The following USP10 variants were observed in gnomAD, a reference collection of about 807,000 sequenced individuals.
USP10 encodes the protein ubiquitin carboxyl-terminal hydrolase 10.
USP10 carries 22 observed loss-of-function variants against 84.5 expected under a neutral mutation model. That is an observed-to-expected ratio of 0.26 (90% CI 0.19 to 0.37). USP10 has a LOEUF of 0.37. Ranked by LOEUF, USP10 falls within the 10% of genes least tolerant of loss-of-function variation. The pLI is 1.00. For synonymous variants in USP10, 454 were observed against 387.6 expected, an observed-to-expected ratio of 1.17 and a Z score of -2.01; for missense variants, 1,019 against 998.9, an observed-to-expected ratio of 1.02 and a Z score of -0.27.
At chr16:84,767,410 G>C (rs889279125) in intron 10 of USP10, among the ~76,000 whole-genome samples, 29 of 152,152 alleles carry the variant, frequency 1.9e-4, no homozygotes, top group African/African-American at 7.0e-4. Flanking sequence ...AAGGGTGGCA[G>C]CCTTTTTTCC....
At chr16:84,706,451 A>T (rs1905517309) in intron 1 of USP10, among the ~76,000 whole-genome samples, 1 of 150,194 alleles carries the variant, frequency 6.7e-6, no homozygotes, top group Non-Finnish European at 1.5e-5. Flanking sequence ...AATTTCCCTT[A>T]CGTGGCTGCA....
At position 84,745,676 on chromosome 16, in the gene USP10, A is replaced by ATAGT. The variant is rs747108118; in HGVS notation, c.1192+5_1192+8dup. 2.9e-5 allele frequency: 47 copies of ATAGT among 1,603,818 alleles called. No individual in the cohort carries two copies. The highest frequency in any genetic ancestry group is 3.9e-5 in the Non-Finnish European group (46 of 1,174,776). ...TCCTGTAGCCATAAAGATTGCAGGT[A>ATAGT]TAGTTGAAAAGATACAAATCTAGAG... On this transcript the variant is annotated splice_donor_region_variant and intron_variant, in intron 4 of 13. Coordinates refer to ENST00000219473, the MANE Select transcript of USP10 (RefSeq NM_005153.3).
chr16:84,713,025 G>A (rs1249352285), intron 1 of USP10, among the ~76,000 whole-genome samples: 2 of 152,174 alleles, frequency 1.3e-5, no homozygotes, highest in Admixed American at 1.3e-4. Context: ...AAATGCAGCT[G>A]TCCCCCAAAT....
At chr16:84,701,005 C>T (rs1904797530) in intron 1 of USP10, among the ~76,000 whole-genome samples, 2 of 152,070 alleles carry the variant, frequency 1.3e-5, no homozygotes, top group South Asian at 2.1e-4. Flanking sequence ...TTGTTGACAT[C>T]TGGTCCCTAT....
chr16:84,736,359 G>A (rs899773907), intron 2 of USP10, among the ~76,000 whole-genome samples: 1 of 152,240 alleles, frequency 6.6e-6, no homozygotes, highest in African/African-American at 2.4e-5. Context: ...CTGCAGAAGC[G>A]CCTCCTGCCA....
intron 2 of USP10, 99 bp downstream of exon 2, chr16:84,733,602 G>A (rs965271740): frequency 5.9e-5 from 53 of 898,440 alleles, no homozygotes; most frequent in Non-Finnish European, 8.3e-5. Flanking sequence ...TTCCAATGTA[G>A]AGAAAAGTAT....
At chr16:84,763,122 A>G in intron 9 of USP10, 34 bp downstream of exon 9, 1 of 1,457,720 alleles carries the variant, frequency 6.9e-7, no homozygotes, top group South Asian at 1.2e-5. Flanking sequence ...AGAGTTGTGC[A>G]AGAGTTCGCT....
intron 8 of USP10, among the ~76,000 whole-genome samples, chr16:84,761,899 C>T (rs927927619): frequency 2.0e-5 from 3 of 152,264 alleles, no homozygotes; most frequent in African/African-American, 7.2e-5. Flanking sequence ...TTTGGCTGTG[C>T]CAGTTTTTGC....
chr16:84,702,819 C>T (rs551489288), intron 1 of USP10, among the ~76,000 whole-genome samples: 19 of 151,216 alleles, frequency 1.3e-4, no homozygotes, highest in Non-Finnish European at 2.8e-4. Flanking sequence ...ATAGTGAGAC[C>T]CTGTCTCTAC....
intron 1 of USP10, chr16:84,704,914 G>C (rs73243905): frequency 0.048 from 74,289 of 1,535,248 alleles, 3,471 homozygotes; most frequent in African/African-American, 0.18. Context: ...TGAATTCCTC[G>C]ACTTTCCCTT....
chr16:84,757,880 G>C (rs1459357711), intron 4 of USP10, among the ~76,000 whole-genome samples: 1 of 152,164 alleles, frequency 6.6e-6, no homozygotes, highest in African/African-American at 2.4e-5. Context: ...TAAGGATTAA[G>C]TCCAGCCAAT....
chr16:84,759,948 T>C lies in USP10; in HGVS notation c.1450+2T>C. ...CAGTACCTCCAAAACCCCGACAAGGTTAGTAAAAATGAGTTTTGTTGATGC... is the reference window on the plus strand; with the variant it reads ...CAGTACCTCCAAAACCCCGACAAGGCTAGTAAAAATGAGTTTTGTTGATGC... On this transcript the variant is annotated splice_donor_variant, in intron 7 of 13. Transcript: ENST00000219473. LOFTEE classifies it high-confidence loss of function. 6.2e-7 allele frequency: 1 copy of C among 1,613,910 alleles called. No homozygotes were observed. Among genetic ancestry groups the C allele is most frequent in the Non-Finnish European group, 8.5e-7 (1 of 1,179,812 alleles).
rs111362545 is a variant in USP10 at position 84,728,341 on chromosome 16, A to T, written c.22-5094A>T. Among the ~76,000 whole-genome samples the T allele has an allele frequency of 7.0e-3, 1,016 of 144,412 alleles. 5 individuals carry two copies. Among genetic ancestry groups the T allele is most frequent in the Non-Finnish European group, 0.012 (783 of 67,216 alleles). The allele number at this position is 144,412 out of a possible 152,430, so 94.7% of individuals were successfully genotyped here. On this transcript the variant is annotated intron_variant, in intron 1 of 13. Coordinates refer to ENST00000219473, the MANE Select transcript of USP10 (RefSeq NM_005153.3). Reference sequence around the variant, plus strand: ...TAAATAATTGAAATATATTGAATAAATATTTGGCCTTTTTTACTTTTTTTT... The same window carrying T: ...TAAATAATTGAAATATATTGAATAATTATTTGGCCTTTTTTACTTTTTTTT...
intron 3 of USP10, among the ~76,000 whole-genome samples, chr16:84,741,112 C>G (rs1482661185): frequency 6.6e-6 from 1 of 152,208 alleles, no homozygotes; most frequent in Non-Finnish European, 1.5e-5. Context: ...GGTTTGGATT[C>G]CCTGTTCAGT....
chr16:84,736,393 G>C (rs1187678939), intron 2 of USP10, among the ~76,000 whole-genome samples: 1 of 152,214 alleles, frequency 6.6e-6, no homozygotes, highest in Non-Finnish European at 1.5e-5. Context: ...TTGTCTTTTA[G>C]TTTGCTTGCT....
intron 4 of USP10, among the ~76,000 whole-genome samples, chr16:84,752,720 CCT>C (rs370370137): frequency 4.8e-4 from 73 of 152,224 alleles, no homozygotes; most frequent in African/African-American, 1.6e-3. Flanking sequence ...CTTTTGCACC[CCT>C]GTTTTTTTCA....
In USP10 at chr16:84,774,545, G is replaced by A. The variant is rs139269676; in HGVS notation, c.2144-615G>A. ...GAGTGCAGTGGCGCGATCTCGGCTC[G>A]CTGCAACCTCTGCCTCCCGGGTTCA... On this transcript the variant is annotated intron_variant, in intron 12 of 13. Coordinates refer to ENST00000219473, the MANE Select transcript of USP10 (RefSeq NM_005153.3). 8.6e-3 allele frequency among the ~76,000 whole-genome samples: 1,286 copies of A among 150,390 alleles called. 14 individuals carry two copies. The highest frequency in any genetic ancestry group is 0.026 in the African/African-American group (1,060 of 40,868).
chr16:84,749,808 T>A (rs543053902), intron 4 of USP10, among the ~76,000 whole-genome samples: 62 of 152,310 alleles, frequency 4.1e-4, no homozygotes, highest in Non-Finnish European at 6.2e-4. Flanking sequence ...TGATTACTCT[T>A]AAACTATCCA....
chr16:84,740,395 C>T lies in USP10; in HGVS notation c.151+26C>T, dbSNP rs182195514. ...GTAAGCTAGTTCTCTCCTTATTTCC[C>T]TGAAGGGAATTTGGCCATACGTGCT... is the stretch of plus-strand genomic sequence containing the variant. On this transcript the variant is annotated intron_variant, in intron 3 of 13. Transcript: ENST00000219473. 484 of 1,605,060 alleles carry T rather than the reference C, an allele frequency of 3.0e-4. 5 individuals are homozygous for T. The East Asian group carries it at 0.011, about 36-fold the overall frequency.
Sources: allele counts gnomAD v4.1 joint callset (sites outside exome capture counted in the v4.1 genomes callset), GRCh38; gene constraint gnomAD v4.1.1; transcripts MANE v1.5; gene names NCBI Gene and HGNC (gene_info 2026-07-23, HGNC 2026-07-21).